SLC9A3: variants seen among roughly 807,000 people sequenced by gnomAD.
SLC9A3 encodes the protein solute carrier family 9 member A3, also known as sodium/hydrogen exchanger 3.
A neutral mutation model predicts 86.8 loss-of-function variants in SLC9A3; 37 were observed. The observed-to-expected ratio is 0.43, with a 90% CI of 0.33 to 0.56. The LOEUF (loss-of-function observed/expected upper bound fraction) is 0.56. Among genes scored for constraint, SLC9A3 ranks in the 20% least tolerant of loss-of-function variants. The probability of loss-of-function intolerance (pLI) is 0.06; values close to 1 mark genes in which losing one functional copy is unlikely to be tolerated. For synonymous variants in SLC9A3, 581 were observed against 528.3 expected (o/e 1.10, Z -1.37); for missense variants, 1,011 against 1,171.9 (o/e 0.86, Z 2.00).
At chr5:515,010 G>A (rs1169435726) in intron 1 of SLC9A3, among the ~76,000 whole-genome samples, 1 of 152,136 alleles carries the variant, frequency 6.6e-6, no homozygotes, top group Non-Finnish European at 1.5e-5. Flanking sequence ...AAAGCCCTCG[G>A]GGATGCACTC....
At chr5:512,312 T>TTAA (rs60092018) in intron 1 of SLC9A3, among the ~76,000 whole-genome samples, 85,704 of 100,750 alleles carry the variant, frequency 0.85, 38,188 homozygotes, top group Non-Finnish European at 0.88. Flanking sequence ...TGGACCTTAA[T>TTAA]TAATAATGTA....
intron 1 of SLC9A3, among the ~76,000 whole-genome samples, chr5:501,831 C>T (rs867229391): frequency 6.6e-5 from 10 of 152,326 alleles, no homozygotes; most frequent in East Asian, 3.9e-4. Context: ...GACGTGCCTG[C>T]GTGACCCCAC....
At chr5:516,392 C>T (rs930871744) in intron 1 of SLC9A3, among the ~76,000 whole-genome samples, 32 of 152,170 alleles carry the variant, frequency 2.1e-4, no homozygotes, top group African/African-American at 7.2e-4. Flanking sequence ...CTCGATAAGA[C>T]GGATGAGACC....
At chr5:481,774 C>T (rs190114817) in intron 8 of SLC9A3, 139 bp from the exon 9 acceptor site, 1 of 776,556 alleles carries the variant, frequency 1.3e-6, no homozygotes, top group South Asian at 1.5e-5. Flanking sequence ...CCTCCTCTCC[C>T]CTCCTGGCCC....
At chr5:476,736 C>T (rs140762871) in intron 11 of SLC9A3, 64 bp from the exon 12 acceptor site, 32 of 1,569,646 alleles carry the variant, frequency 2.0e-5, no homozygotes, top group African/African-American at 1.5e-4. Context: ...GCGCGCCCCT[C>T]GCCTTCCCAC....
chr5:510,347 C>A (rs1740822346), intron 1 of SLC9A3, among the ~76,000 whole-genome samples: 1 of 152,220 alleles, frequency 6.6e-6, no homozygotes, highest in Non-Finnish European at 1.5e-5. Context: ...GGGACACACC[C>A]TCGAGAGCCG....
chr5:482,847 C>T, intron 6 of SLC9A3, 97 bp from the exon 7 acceptor site: 1 of 978,510 alleles, frequency 1.0e-6, no homozygotes. Context: ...CAAGCATGTG[C>T]TGACGAAGAA....
At chr5:495,104 C>A (rs1463519718) in intron 1 of SLC9A3, among the ~76,000 whole-genome samples, 1 of 131,068 alleles carries the variant, frequency 7.6e-6, no homozygotes, top group Non-Finnish European at 1.8e-5. Context: ...TGGGGGGGCG[C>A]CGTGGCCGCA....
chr5:495,092 G>A (rs957757909), intron 1 of SLC9A3, among the ~76,000 whole-genome samples: 4 of 125,922 alleles, frequency 3.2e-5, no homozygotes, highest in African/African-American at 1.1e-4. Context: ...CGTGTCCCCA[G>A]GTGGGGGGGC....
intron 1 of SLC9A3, among the ~76,000 whole-genome samples, chr5:521,261 C>A (rs1229696827): frequency 6.6e-6 from 1 of 151,856 alleles, no homozygotes; most frequent in Admixed American, 6.6e-5. Context: ...GGCTGGTGGG[C>A]CAACAGCAGC....
At chr5:524,071 C>G in intron 1 of SLC9A3, 41 bp downstream of exon 1, 1 of 1,373,368 alleles carries the variant, frequency 7.3e-7, no homozygotes, top group Non-Finnish European at 9.8e-7. Context: ...GAGGCGGCCG[C>G]ACACCCCGCG....
chr5:488,526 G>A (rs1389093795), intron 2 of SLC9A3, 50 bp from the exon 3 acceptor site: 1 of 1,479,210 alleles, frequency 6.8e-7, no homozygotes, highest in Non-Finnish European at 9.0e-7. Context: ...GCCACCCGAG[G>A]AGGAGGGCCC....
chr5:478,529 C>G (rs1241312354), intron 10 of SLC9A3: 1 of 153,534 alleles, frequency 6.5e-6, no homozygotes, highest in African/African-American at 2.4e-5. Context: ...CAGATGCCAC[C>G]CCAGGTGTGG....
intron 3 of SLC9A3, among the ~76,000 whole-genome samples, chr5:487,071 C>CCCG (rs1560957869): frequency 0.064 from 13 of 204 alleles, 6 homozygotes; most frequent in Admixed American, 0.12. Context: ...CACTGACACC[C>CCCG]ACCGCACTGA....
intron 1 of SLC9A3, among the ~76,000 whole-genome samples, chr5:500,172 G>A (rs537506593): frequency 2.0e-5 from 3 of 152,362 alleles, no homozygotes; most frequent in Admixed American, 6.5e-5. Flanking sequence ...AATAGAACTC[G>A]CCCCATGGCA....
At chr5:475,529 C>T (rs767545410) in intron 15 of SLC9A3, 32 bp downstream of exon 15, 3 of 1,356,708 alleles carry the variant, frequency 2.2e-6, no homozygotes, top group Non-Finnish European at 2.1e-6. Flanking sequence ...GCCACCCCTC[C>T]CTTAGCCACG....
chr5:491,514 T>C lies in SLC9A3; in HGVS notation c.514+255A>G, dbSNP rs1739737315. Among the ~76,000 whole-genome samples, 1 of 151,792 alleles carries C rather than the reference T, an allele frequency of 6.6e-6. No homozygotes were observed. The highest frequency in any genetic ancestry group is 6.6e-5 in the Admixed American group (1 of 15,246). Reference sequence around the variant, plus strand: ...GTGCCGGAGGAAGAGCGGCAGCCCCTGGCCACCTGCAGCCCCCAAGCCGAG... The same window carrying C: ...GTGCCGGAGGAAGAGCGGCAGCCCCCGGCCACCTGCAGCCCCCAAGCCGAG... On this transcript the variant is annotated intron_variant, in intron 2 of 16. Transcript: ENST00000264938. This position sits in a 1 kb window ranked among gnomAD's most constrained non-coding sequence, Gnocchi z 9.2.
At chr5:504,997 T>A (rs542115716) in intron 1 of SLC9A3, among the ~76,000 whole-genome samples, 1 of 151,914 alleles carries the variant, frequency 6.6e-6, no homozygotes, top group East Asian at 2.0e-4. Context: ...GGCCAGCAGC[T>A]GCCACCCCTC....
At chr5:509,912 C>A (rs923569047) in intron 1 of SLC9A3, among the ~76,000 whole-genome samples, 5 of 152,240 alleles carry the variant, frequency 3.3e-5, no homozygotes, top group Non-Finnish European at 7.3e-5. Context: ...AGGGGCCCTG[C>A]GGGCAGCCGG....
Sources: allele counts gnomAD v4.1 joint callset (sites outside exome capture counted in the v4.1 genomes callset), GRCh38; gene constraint gnomAD v4.1.1; non-coding constraint Gnocchi (gnomAD v3.1); transcripts MANE v1.5; gene names NCBI Gene and HGNC (gene_info 2026-07-23, HGNC 2026-07-21).